Variants in PPM1E observed in about 807,000 individuals in gnomAD.
PPM1E encodes protein phosphatase 1E.
In PPM1E, 20 loss-of-function variants were observed where a neutral mutation model predicts 65.9. That is an observed-to-expected ratio of 0.30 (90% CI 0.21 to 0.44). The LOEUF is 0.44. PPM1E is among the 20% of genes least tolerant of loss of function. The probability of loss-of-function intolerance (pLI) is 1.00; values close to 1 mark genes in which losing one functional copy is unlikely to be tolerated. For missense variants in PPM1E, 713 were observed against 953.1 expected, an observed-to-expected ratio of 0.75 and a Z score of 3.32; for synonymous variants, 352 against 374.9, an observed-to-expected ratio of 0.94 and a Z score of 0.70.
intron 1 of PPM1E, among the ~76,000 whole-genome samples, chr17:58,826,971 T>A (rs2050543296): frequency 6.6e-6 from 1 of 151,888 alleles, no homozygotes; most frequent in Non-Finnish European, 1.5e-5. Flanking sequence ...TTAAGGAGCT[T>A]TACTTATAGG....
At chr17:58,895,344 C>T (rs1053109156) in intron 1 of PPM1E, among the ~76,000 whole-genome samples, 7 of 152,106 alleles carry the variant, frequency 4.6e-5, no homozygotes, top group Non-Finnish European at 7.3e-5. Context: ...GGAAAAGTCA[C>T]GTCTCTCACT....
At chr17:58,767,177 T>C (rs2049888932) in intron 1 of PPM1E, among the ~76,000 whole-genome samples, 1 of 152,182 alleles carries the variant, frequency 6.6e-6, no homozygotes, top group East Asian at 1.9e-4. Flanking sequence ...TTTCTCTTGC[T>C]GCTGTGTACT....
intron 1 of PPM1E, among the ~76,000 whole-genome samples, chr17:58,762,673 G>A (rs918689402): frequency 2.0e-5 from 3 of 152,016 alleles, no homozygotes; most frequent in South Asian, 2.1e-4. Context: ...CGAGGCGGGC[G>A]GATCACGAGG....
intron 1 of PPM1E, among the ~76,000 whole-genome samples, chr17:58,902,089 T>G: frequency 6.6e-6 from 1 of 152,152 alleles, no homozygotes; most frequent in East Asian, 1.9e-4. Context: ...ACTGATTGTA[T>G]CATACATTAG....
intron 1 of PPM1E, among the ~76,000 whole-genome samples, chr17:58,760,863 A>G (rs1313418305): frequency 6.6e-6 from 1 of 152,232 alleles, no homozygotes; most frequent in Non-Finnish European, 1.5e-5. Context: ...ACTTAGAGAT[A>G]CAGTTCATTA....
intron 1 of PPM1E, among the ~76,000 whole-genome samples, chr17:58,778,952 ATATATATATG>A (rs1303768951): frequency 7.0e-6 from 1 of 143,418 alleles, no homozygotes; most frequent in African/African-American, 2.5e-5. Context: ...ATATATATAT[ATATATATATG>A]TAGTATTGTG....
At chr17:58,812,210 A>C (rs2050375279) in intron 1 of PPM1E, among the ~76,000 whole-genome samples, 1 of 148,730 alleles carries the variant, frequency 6.7e-6, no homozygotes, top group Non-Finnish European at 1.5e-5. Flanking sequence ...AGGCTGAGGC[A>C]GGAGAAAGGC....
chr17:58,767,502 G>C (rs1234556263), intron 1 of PPM1E, among the ~76,000 whole-genome samples: 2 of 152,152 alleles, frequency 1.3e-5, no homozygotes, highest in Admixed American at 1.3e-4. Flanking sequence ...GCTTAGCTCA[G>C]GCTTTTATCA....
chr17:58,868,010 A>G (rs1410197033), intron 1 of PPM1E, among the ~76,000 whole-genome samples: 2 of 152,136 alleles, frequency 1.3e-5, no homozygotes, highest in Non-Finnish European at 2.9e-5. Context: ...TTTATTATTG[A>G]TAATGCAGCT....
intron 1 of PPM1E, among the ~76,000 whole-genome samples, chr17:58,794,202 C>T (rs1399748983): frequency 6.6e-6 from 1 of 152,118 alleles, no homozygotes. Flanking sequence ...ACCTCAGCCT[C>T]CCAAAGTGCT....
Position 58,978,579 on chromosome 17 carries a change from C to T in PPM1E, c.1211-1395C>T, listed in dbSNP as rs187134093. Among the ~76,000 whole-genome samples, 578 of 152,136 alleles carry T rather than the reference C, an allele frequency of 3.8e-3. 2 individuals carry two copies. Among genetic ancestry groups the T allele is most frequent in the Non-Finnish European group, 5.1e-3 (345 of 67,998 alleles). On this transcript the variant is annotated intron_variant, in intron 6 of 6. Transcript: ENST00000308249. ...TATAAAAATTAGCCAGGTGTGGTGG[C>T]GTACGCCTGTAATCCCAGCTACTCC...
intron 1 of PPM1E, among the ~76,000 whole-genome samples, chr17:58,786,260 C>T (rs532077536): frequency 3.9e-5 from 6 of 151,932 alleles, no homozygotes; most frequent in Admixed American, 6.6e-5. Context: ...GTGATCTGCC[C>T]GCCTCGGCCT....
chr17:58,973,012 ATAAT>A (rs1365778038), intron 6 of PPM1E, 87 bp downstream of exon 6: 1 of 813,536 alleles, frequency 1.2e-6, no homozygotes, highest in Non-Finnish European at 2.0e-6. Context: ...ACCTGAGATG[ATAAT>A]TTATGTTACC....
At chr17:58,855,715 A>C (rs2050875294) in intron 1 of PPM1E, among the ~76,000 whole-genome samples, 1 of 152,240 alleles carries the variant, frequency 6.6e-6, no homozygotes, top group South Asian at 2.1e-4. Flanking sequence ...GGGAAATTTC[A>C]ATTATAGATG....
At chr17:58,902,034 T>C (rs1260290390) in intron 1 of PPM1E, among the ~76,000 whole-genome samples, 1 of 152,064 alleles carries the variant, frequency 6.6e-6, no homozygotes, top group Non-Finnish European at 1.5e-5. Flanking sequence ...TATTTTATAA[T>C]AGCTAAAACT....
chr17:58,916,613 G>A (rs752024607), intron 1 of PPM1E, among the ~76,000 whole-genome samples: 5 of 152,032 alleles, frequency 3.3e-5, no homozygotes, highest in Admixed American at 6.6e-5. Context: ...GTGACAGAGC[G>A]AGACCCTATC....
chr17:58,765,962 C>T lies in PPM1E; in HGVS notation c.464+9501C>T, dbSNP rs577562835. The stretch of plus-strand genomic sequence containing the variant: ...GTGGCCCAGTCTCGGCGCACTGCAA[C>T]CTCCGCCTCCCAAGTTCAAGCGATT... On this transcript the variant is annotated intron_variant, in intron 1 of 6. Coordinates refer to ENST00000308249, the MANE Select transcript of PPM1E (RefSeq NM_014906.5). Among the ~76,000 whole-genome samples the T allele has an allele frequency of 4.7e-3, 701 of 149,444 alleles. 3 individuals are homozygous for T. Among genetic ancestry groups the T allele is most frequent in the Non-Finnish European group, 6.6e-3 (443 of 67,526 alleles).
At chr17:58,758,178 TAAG>T (rs907072836) in intron 1 of PPM1E, among the ~76,000 whole-genome samples, 13 of 151,968 alleles carry the variant, frequency 8.6e-5, no homozygotes, top group Non-Finnish European at 1.2e-4. Flanking sequence ...ATTTGCCATG[TAAG>T]AAGGTTTTTT....
chr17:58,967,041 T>C (rs1279720907), intron 3 of PPM1E, among the ~76,000 whole-genome samples: 1 of 152,206 alleles, frequency 6.6e-6, no homozygotes, highest in African/African-American at 2.4e-5. Context: ...TGGGGCATTG[T>C]TGTTGTTCGT....
Sources: allele counts gnomAD v4.1 joint callset (sites outside exome capture counted in the v4.1 genomes callset), GRCh38; gene constraint gnomAD v4.1.1; transcripts MANE v1.5; gene names NCBI Gene and HGNC (gene_info 2026-07-23, HGNC 2026-07-21).